Variants in CHN2 observed in about 807,000 individuals in gnomAD.
CHN2 encodes chimerin 2.
CHN2 carries 35 observed loss-of-function variants against 56.3 expected under a neutral mutation model. The ratio of observed to expected loss-of-function variants is 0.62; its 90% CI spans 0.47 to 0.82. The LOEUF is 0.82. CHN2 is among the 40% of genes least tolerant of loss of function. The probability of loss-of-function intolerance (pLI) is 0.00; values close to 1 mark genes in which losing one functional copy is unlikely to be tolerated. For synonymous variants in CHN2, 210 were observed against 212.8 expected (o/e 0.99, Z 0.12); for missense variants, 491 against 580.5 (o/e 0.85, Z 1.58).
chr7:29,378,331 C>T lies in CHN2; in HGVS notation c.144+10344C>T, dbSNP rs148259203. On this transcript the variant is annotated intron_variant, in intron 3 of 12. Transcript: ENST00000222792. Reference sequence around the variant, plus strand: ...CATGAACAAGGAATGATTTGACCCACCATTAAATAAAAAGGCCTTTGAGGC... The same window carrying T: ...CATGAACAAGGAATGATTTGACCCATCATTAAATAAAAAGGCCTTTGAGGC... Among the ~76,000 whole-genome samples, 468 of 152,276 alleles carry T rather than the reference C, an allele frequency of 3.1e-3. 15 individuals carry two copies. The highest frequency in any genetic ancestry group is 0.022 in the East Asian group (115 of 5,184).
chr7:29,202,169 C>T (rs1023121748), intron 1 of CHN2, among the ~76,000 whole-genome samples: 3 of 152,102 alleles, frequency 2.0e-5, no homozygotes, highest in South Asian at 2.1e-4. Context: ...TTAAAGACAT[C>T]GTAAGGAAAA....
intron 1 of CHN2, among the ~76,000 whole-genome samples, chr7:29,322,326 G>A (rs547725133): frequency 2.0e-5 from 3 of 152,298 alleles, no homozygotes; most frequent in Admixed American, 6.5e-5. Context: ...CAGAAAGGTG[G>A]GATGTGGCTT....
At chr7:29,338,355 T>A (rs1051691770) in intron 1 of CHN2, among the ~76,000 whole-genome samples, 39 of 152,182 alleles carry the variant, frequency 2.6e-4, no homozygotes, top group African/African-American at 9.2e-4. Context: ...TGATAATATA[T>A]GTGCAGTCCT....
intron 2 of CHN2, among the ~76,000 whole-genome samples, chr7:29,179,636 A>T (rs1797814154): frequency 6.6e-6 from 1 of 152,264 alleles, no homozygotes; most frequent in African/African-American, 2.4e-5. Flanking sequence ...ACTCTGATAT[A>T]TGTAAATAAA....
intron 7 of CHN2, 84 bp from the exon 8 acceptor site, chr7:29,495,868 G>T (rs138659846): frequency 2.7e-6 from 3 of 1,127,084 alleles, no homozygotes; most frequent in Non-Finnish European, 4.0e-6. Context: ...GATCGCTCCT[G>T]CTGATCTTCA....
chr7:29,435,475 A>T (rs1783149495), intron 6 of CHN2, among the ~76,000 whole-genome samples: 1 of 152,252 alleles, frequency 6.6e-6, no homozygotes, highest in Non-Finnish European at 1.5e-5. Flanking sequence ...TAAGTGGTAG[A>T]GCCCACTACA....
Position 29,496,008 on chromosome 7 carries a change from G to A in CHN2, c.711G>A (p.Gly237=). 1 of 1,612,392 alleles carries A rather than the reference G, an allele frequency of 6.2e-7. No individual in the cohort carries two copies. The highest frequency in any genetic ancestry group is 8.5e-7 in the Non-Finnish European group (1 of 1,179,498). The change falls in exon 8 of 13, where the codon GGG becomes GGA. Residue 237 remains glycine (G), a synonymous_variant. Transcript: ENST00000222792. ...WCEYCANFMW[G]LIAQGVRCSD... ...AATATTGTGCCAATTTCATGTGGGG[G>A]CTCATCGCCCAAGGGGTCCGGTGCT...
chr7:29,317,422 G>A (rs1173445099), intron 1 of CHN2, among the ~76,000 whole-genome samples: 2 of 152,184 alleles, frequency 1.3e-5, no homozygotes, highest in Non-Finnish European at 2.9e-5. Flanking sequence ...GATCCTCGAT[G>A]TGCAAAGTGT....
At chr7:29,397,490 G>C (rs1364645530) in intron 4 of CHN2, 1 of 152,204 alleles carries the variant, frequency 6.6e-6, no homozygotes. Flanking sequence ...CCAGAAGCTT[G>C]AAGTCCCTTG....
At chr7:29,337,668 G>A (rs1039890118) in intron 1 of CHN2, among the ~76,000 whole-genome samples, 9 of 152,208 alleles carry the variant, frequency 5.9e-5, no homozygotes, top group African/African-American at 1.9e-4. Context: ...TCAAGCATTT[G>A]GCATGGAAGT....
intron 6 of CHN2, among the ~76,000 whole-genome samples, chr7:29,453,086 A>G (rs1784517416): frequency 1.3e-5 from 2 of 152,242 alleles, no homozygotes; most frequent in African/African-American, 4.8e-5. Flanking sequence ...ATTGTTTTGC[A>G]TGATGAGTTC....
chr7:29,254,096 G>A (rs188602740), intron 1 of CHN2, among the ~76,000 whole-genome samples: 1 of 152,266 alleles, frequency 6.6e-6, no homozygotes, highest in Admixed American at 6.5e-5. Flanking sequence ...GTAGAGACGG[G>A]TTTTCACCTT....
chr7:29,478,387 T>C (rs527531817), intron 6 of CHN2, among the ~76,000 whole-genome samples: 29 of 152,084 alleles, frequency 1.9e-4, no homozygotes, highest in Non-Finnish European at 2.9e-5. Flanking sequence ...ATGGGTGGAT[T>C]AGGAAGATTG....
At chr7:29,384,168 C>T (rs1399470241) in intron 3 of CHN2, among the ~76,000 whole-genome samples, 2 of 152,144 alleles carry the variant, frequency 1.3e-5, no homozygotes, top group African/African-American at 2.4e-5. Flanking sequence ...AATCAGTCTA[C>T]CCAGGTCTCC....
intron 6 of CHN2, among the ~76,000 whole-genome samples, chr7:29,427,679 A>G (rs1241548597): frequency 1.7e-5 from 2 of 118,242 alleles, no homozygotes; most frequent in South Asian, 2.7e-4. Flanking sequence ...TTTTTTTGAG[A>G]TAGAGTCTCA....
At chr7:29,295,479 A>G (rs1793070172) in intron 1 of CHN2, among the ~76,000 whole-genome samples, 1 of 152,022 alleles carries the variant, frequency 6.6e-6, no homozygotes, top group Admixed American at 6.6e-5. Flanking sequence ...AAAAAAAATC[A>G]GGGCCAGGCA....
At chr7:29,427,624 C>T (rs917254600) in intron 6 of CHN2, among the ~76,000 whole-genome samples, 1 of 150,872 alleles carries the variant, frequency 6.6e-6, no homozygotes, top group African/African-American at 2.4e-5. Context: ...GTTGACCAAG[C>T]AAGCTATTAG....
chr7:29,165,302 G>C (rs568741446), intron 2 of CHN2, among the ~76,000 whole-genome samples: 2 of 152,110 alleles, frequency 1.3e-5, no homozygotes, highest in South Asian at 4.2e-4. Context: ...ATTTTAAATG[G>C]TATTTTTATT....
intron 3 of CHN2, among the ~76,000 whole-genome samples, chr7:29,388,734 C>G (rs1801130463): frequency 6.6e-6 from 1 of 152,110 alleles, no homozygotes. Context: ...TTAGAGGGCA[C>G]ACACTTATGG....
Sources: allele counts gnomAD v4.1 joint callset (sites outside exome capture counted in the v4.1 genomes callset), GRCh38; gene constraint gnomAD v4.1.1; transcripts MANE v1.5; gene names NCBI Gene and HGNC (gene_info 2026-07-23, HGNC 2026-07-21).